The following NAALADL2 variants were observed in gnomAD, a reference collection of about 807,000 sequenced individuals.
The protein encoded by NAALADL2 is N-acetylated alpha-linked acidic dipeptidase like 2, also known as inactive N-acetylated-alpha-linked acidic dipeptidase-like protein 2.
NAALADL2 carries 76 observed loss-of-function variants against 87.2 expected under a neutral mutation model. The ratio of observed to expected loss-of-function variants is 0.87; its 90% CI spans 0.72 to 1.05. The LOEUF (loss-of-function observed/expected upper bound fraction) is 1.05, where lower values mean the gene tolerates loss of function less well. Among genes scored for constraint, NAALADL2 ranks in the 50% least tolerant of loss-of-function variants. The probability of loss-of-function intolerance (pLI) is 0.00; values close to 1 mark genes in which losing one functional copy is unlikely to be tolerated. For missense variants in NAALADL2, 1,089 were observed against 945.8 expected, an observed-to-expected ratio of 1.15 and a Z score of -1.99; for synonymous variants, 354 against 331.0, an observed-to-expected ratio of 1.07 and a Z score of -0.75.
chr3:175,112,103 T>G (rs1431702825), intron 2 of NAALADL2, among the ~76,000 whole-genome samples: 1 of 151,582 alleles, frequency 6.6e-6, no homozygotes, highest in Admixed American at 6.6e-5. Context: ...GTAAACAATA[T>G]TACCTGCTAT....
chr3:175,209,649 T>C (rs1055546870), intron 2 of NAALADL2, among the ~76,000 whole-genome samples: 1 of 151,918 alleles, frequency 6.6e-6, no homozygotes, highest in Non-Finnish European at 1.5e-5. Flanking sequence ...TTTTAAGGAA[T>C]AATACATGCT....
intron 2 of NAALADL2, among the ~76,000 whole-genome samples, chr3:174,565,223 A>G (rs968352968): frequency 6.6e-6 from 1 of 152,068 alleles, no homozygotes; most frequent in Non-Finnish European, 1.5e-5. Flanking sequence ...TTTGTATTGT[A>G]CATTCTATGG....
chr3:175,226,160 A>G (rs1298871029), intron 2 of NAALADL2, among the ~76,000 whole-genome samples: 1 of 152,114 alleles, frequency 6.6e-6, no homozygotes, highest in Non-Finnish European at 1.5e-5. Flanking sequence ...GATATGTACC[A>G]TATTTTCGTT....
chr3:175,463,583 C>G (rs1022081285), intron 7 of NAALADL2, 90 bp downstream of exon 7: 2 of 672,374 alleles, frequency 3.0e-6, no homozygotes, highest in African/African-American at 3.7e-5. Flanking sequence ...ACTTAAATAT[C>G]CTACTTGAGA....
intron 1 of NAALADL2, among the ~76,000 whole-genome samples, chr3:174,882,659 GTGCATATA>G (rs1320896927): frequency 1.4e-5 from 2 of 144,450 alleles, no homozygotes; most frequent in Admixed American, 6.8e-5. Flanking sequence ...ATACACATAT[GTGCATATA>G]CACATATGTG....
At chr3:175,500,038 T>A (rs746344622) in intron 9 of NAALADL2, among the ~76,000 whole-genome samples, 43 of 152,078 alleles carry the variant, frequency 2.8e-4, no homozygotes, top group Non-Finnish European at 5.6e-4. Context: ...TATTATATAT[T>A]CATGATAGTC....
At chr3:175,487,592 A>G (rs1432260411) in intron 9 of NAALADL2, 2 of 453,758 alleles carry the variant, frequency 4.4e-6, no homozygotes, top group African/African-American at 4.0e-5. Context: ...TATGAAGAGA[A>G]TTCTTCCTCT....
intron 3 of NAALADL2, among the ~76,000 whole-genome samples, chr3:175,239,075 C>T (rs1746395998): frequency 6.6e-6 from 1 of 152,142 alleles, no homozygotes; most frequent in Non-Finnish European, 1.5e-5. Context: ...CTGAGATCTA[C>T]TTCAAAAACC....
In NAALADL2 at chr3:175,222,590, C is replaced by T. The variant is rs193017473; in HGVS notation, c.546-11341C>T. ...CATTCAGTGTATTCTTAGAAACCTC[C>T]CATTATTGTCTACAGGAAACATGAA... On this transcript the variant is annotated intron_variant, in intron 2 of 13. Coordinates refer to ENST00000454872, the MANE Select transcript of NAALADL2 (RefSeq NM_207015.3). Among the ~76,000 whole-genome samples the T allele has an allele frequency of 3.8e-3, 584 of 152,160 alleles. 2 individuals are homozygous for T. The highest frequency in any genetic ancestry group is 6.8e-3 in the Middle Eastern group (2 of 294).
intron 1 of NAALADL2, among the ~76,000 whole-genome samples, chr3:174,919,406 C>T (rs1734840081): frequency 6.6e-6 from 1 of 152,136 alleles, no homozygotes; most frequent in South Asian, 2.1e-4. Flanking sequence ...GTCATTTCAG[C>T]AATGTTCACT....
intron 2 of NAALADL2, among the ~76,000 whole-genome samples, chr3:174,719,433 G>A (rs938730414): frequency 6.6e-6 from 1 of 152,118 alleles, no homozygotes; most frequent in Admixed American, 6.6e-5. Flanking sequence ...TTTCAAAAGA[G>A]GTATATAACT....
chr3:175,442,495 C>G (rs1297538645), intron 5 of NAALADL2, among the ~76,000 whole-genome samples: 1 of 152,122 alleles, frequency 6.6e-6, no homozygotes, highest in African/African-American at 2.4e-5. Context: ...TGGCTCTGAA[C>G]TAATATACTA....
chr3:175,510,679 A>G (rs992306426), intron 9 of NAALADL2, among the ~76,000 whole-genome samples: 2 of 152,210 alleles, frequency 1.3e-5, no homozygotes, highest in African/African-American at 4.8e-5. Context: ...GAAGTTAAAG[A>G]ACTTATTCAA....
At chr3:174,958,134 C>CTTT (rs34174348) in intron 1 of NAALADL2, among the ~76,000 whole-genome samples, 6 of 147,546 alleles carry the variant, frequency 4.1e-5, no homozygotes, top group Admixed American at 1.4e-4. Context: ...AATATCCAGA[C>CTTT]TTTTTTTTTT....
intron 11 of NAALADL2, among the ~76,000 whole-genome samples, chr3:175,698,552 T>C (rs948574984): frequency 1.4e-5 from 2 of 146,566 alleles, no homozygotes; most frequent in Non-Finnish European, 3.0e-5. Context: ...AAGATTGATT[T>C]TGATTTTGAT....
intron 3 of NAALADL2, among the ~76,000 whole-genome samples, chr3:175,244,099 A>C (rs866116122): frequency 6.6e-6 from 1 of 152,128 alleles, no homozygotes; most frequent in Non-Finnish European, 1.5e-5. Flanking sequence ...ATTGACTTTC[A>C]CAATTTCATT....
intron 3 of NAALADL2, among the ~76,000 whole-genome samples, chr3:174,815,880 C>A (rs1720744440): frequency 8.1e-6 from 1 of 123,584 alleles, no homozygotes; most frequent in African/African-American, 2.9e-5. Flanking sequence ...GTAGAAGTGT[C>A]AGAGTGTTTG....
At chr3:175,784,155 T>A (rs1204440687) in intron 13 of NAALADL2, among the ~76,000 whole-genome samples, 1 of 149,490 alleles carries the variant, frequency 6.7e-6, no homozygotes, top group African/African-American at 2.5e-5. Flanking sequence ...GATATTGGTC[T>A]AAAATTCTCT....
intron 2 of NAALADL2, among the ~76,000 whole-genome samples, chr3:175,160,528 T>G (rs1733032277): frequency 6.6e-6 from 1 of 151,874 alleles, no homozygotes; most frequent in South Asian, 2.1e-4. Flanking sequence ...AATTTTGTAT[T>G]TTTAATAGAG....
Sources: allele counts gnomAD v4.1 joint callset (sites outside exome capture counted in the v4.1 genomes callset), GRCh38; gene constraint gnomAD v4.1.1; transcripts MANE v1.5; gene names NCBI Gene and HGNC (gene_info 2026-07-23, HGNC 2026-07-21).